Variants in FBXW5 observed in about 807,000 individuals in gnomAD.
FBXW5 encodes F-box and WD repeat domain containing 5.
A neutral mutation model predicts 50.9 loss-of-function variants in FBXW5; 74 were observed. That is an observed-to-expected ratio of 1.45 (90% confidence interval 1.20 to 1.76). The LOEUF (loss-of-function observed/expected upper bound fraction) is 1.76, where lower values mean the gene tolerates loss of function less well. Among genes scored for constraint, FBXW5 ranks in the 40% most tolerant of loss-of-function variants. The probability of loss-of-function intolerance (pLI) is 0.00; values close to 1 mark genes in which losing one functional copy is unlikely to be tolerated. For missense variants in FBXW5, 1,073 were observed against 818.8 expected (o/e 1.31, Z -3.79); for synonymous variants, 523 against 362.2 (o/e 1.44, Z -5.04).
In FBXW5 at chr9:136,940,984, C is replaced by G; in HGVS notation, c.1645G>C (p.Ala549Pro). 3.8e-6 allele frequency: 6 copies of G among 1,559,800 alleles called. No individual in the cohort carries two copies. The highest frequency in any genetic ancestry group is 5.2e-6 in the Non-Finnish European group (6 of 1,151,962). ...AAGGTGCGAGGCCGTGGGCGAGGTG[C>G]CTGGAGGACGCGCATGGTGCGTGGG... ...RSPRTMRVLQAPRPRPRTFFS... is the reference protein window; with the variant it reads ...RSPRTMRVLQPPRPRPRTFFS... Residue 549 changes from alanine to proline, a missense_variant, in exon 9 of 9, where the codon GCA becomes CCA. Ala to Pro is a conservative substitution (Grantham distance 27). Transcript: ENST00000325285.
intron 6 of FBXW5, 98 bp from the exon 7 acceptor site, chr9:136,941,782 A>G (rs895080603): frequency 7.1e-7 from 1 of 1,409,982 alleles, no homozygotes; most frequent in Non-Finnish European, 9.5e-7. Context: ...GGCTGTGAGC[A>G]CCACAGAGGT....
At chr9:136,943,589 G>A in intron 2 of FBXW5, 83 bp from the exon 3 acceptor site, 1 of 1,505,504 alleles carries the variant, frequency 6.6e-7, no homozygotes, top group South Asian at 1.3e-5. Context: ...CAGCAGTCCT[G>A]GCAGGCCCCG....
At chr9:136,943,771 G>A (rs1265853613) in intron 2 of FBXW5, 120 bp downstream of exon 2, 15 of 1,171,706 alleles carry the variant, frequency 1.3e-5, no homozygotes, top group Admixed American at 2.4e-5. Flanking sequence ...ATCAGGGTGT[G>A]GGGGGGTGAG....
Position 136,941,423 on chromosome 9 carries a change from C to G in FBXW5, c.1285G>C (p.Val429Leu). The change falls in exon 8 of 9, where the codon GTG (valine) becomes CTG (leucine). Residue 429 changes from valine (V) to leucine (L), a missense_variant. Physicochemically the swap from Val to Leu is conservative, Grantham distance 32. Transcript: ENST00000325285. Reference sequence around the variant, plus strand: ...GGCGGCTGCATGGGGTCGGCCACCACCGCACCGTTGGGCCAGGCGCGGCTG... The same window carrying G: ...GGCGGCTGCATGGGGTCGGCCACCAGCGCACCGTTGGGCCAGGCGCGGCTG... ...VNSRAWPNGAVVADPMQPPPI... is the reference protein window; with the variant it reads ...VNSRAWPNGALVADPMQPPPI... 6.2e-7 allele frequency: 1 copy of G among 1,609,812 alleles called. No individual in the cohort carries two copies. The highest frequency in any genetic ancestry group is 1.1e-5 in the South Asian group (1 of 91,078).
At chr9:136,944,143 G>A (rs1850936828) in intron 1 of FBXW5, 37 bp from the exon 2 acceptor site, 4 of 1,496,144 alleles carry the variant, frequency 2.7e-6, no homozygotes, top group Non-Finnish European at 3.6e-6. Context: ...GCCCAGGCCC[G>A]GGAAGGGAGG....
Position 136,941,548 on chromosome 9 carries a change from C to T in FBXW5, c.1233G>A (p.Ser411=), listed in dbSNP as rs145980462. ...GGCAAGAGGCCCACCTGTTGTCGGGCGACAGGCCCATGCCGATGATGTGTC... is the reference window on the plus strand; with the variant it reads ...GGCAAGAGGCCCACCTGTTGTCGGGTGACAGGCCCATGCCGATGATGTGTC... ...IHGHIIGMGL[S]PDNRYLYVNS... is the part of the protein sequence containing the mutation. Residue 411 remains serine, a synonymous_variant, in exon 7 of 9, where the codon TCG becomes TCA. Coordinates refer to ENST00000325285, the MANE Select transcript of FBXW5 (RefSeq NM_018998.4). 374 of 1,610,582 alleles carry T rather than the reference C, an allele frequency of 2.3e-4. 2 individuals are homozygous for T. In the African/African-American group the frequency reaches 3.7e-3, roughly 16 times the overall value.
rs758054151 is a variant in FBXW5, at chr9:136,941,054, C to G, written c.1575G>C (p.Leu525=). 17 of 1,556,884 alleles carry G rather than the reference C, an allele frequency of 1.1e-5. No individual in the cohort carries two copies. Among genetic ancestry groups the G allele is most frequent in the Non-Finnish European group, 1.5e-5 (17 of 1,150,240 alleles). The part of the protein sequence containing the change: ...SVVFSPQEQE[L]LLTASDDATI... ...TGGCGTCGTCGCTGGCCGTGAGCAG[C>G]AGCTCCTGCTCCTGGGGACTGAAGA... The change falls in exon 9 of 9, where the codon CTG becomes CTC. Residue 525 remains leucine (L), a synonymous_variant. Transcript: ENST00000325285.
At position 136,942,922 on chromosome 9, in the gene FBXW5, T is replaced by TG. The variant is rs1850851637; in HGVS notation, c.372dup (p.Ile125HisfsTer66). ...ATGTCCGCGCTGTGCAGCAGCGAGA[T>TG]GGTCAGGTCGTTGCTCCAGATCTGT... On this transcript the variant is annotated frameshift_variant, in exon 4 of 9. Coordinates refer to ENST00000325285, the MANE Select transcript of FBXW5 (RefSeq NM_018998.4). LOFTEE classifies it high-confidence loss of function. 5 of 1,613,214 alleles carry TG rather than the reference T, an allele frequency of 3.1e-6. No individual in the cohort carries two copies. The highest frequency in any genetic ancestry group is 4.2e-6 in the Non-Finnish European group (5 of 1,179,898).
At chr9:136,943,280 C>G in intron 3 of FBXW5, 69 bp downstream of exon 3, 1 of 1,525,174 alleles carries the variant, frequency 6.6e-7, no homozygotes, top group Non-Finnish European at 8.9e-7. Flanking sequence ...GGTTGGAACG[C>G]CTGGGTCCTG....
Position 136,941,629 on chromosome 9 carries a change from C to G in FBXW5, c.1152G>C (p.Glu384Asp), listed in dbSNP as rs747220614. The G allele has an allele frequency of 8.9e-6, 14 of 1,580,020 alleles. No homozygotes were observed. Among genetic ancestry groups the G allele is most frequent in the Admixed American group, 1.8e-5 (1 of 55,192 alleles). ...QMTTAGPVLGEGRGSDAFFDA... is the reference protein window; with the variant it reads ...QMTTAGPVLGDGRGSDAFFDA... ...CGAAGAAGGCATCGGAGCCCCGGCC[C>G]TCACCCAGCACGGGCCCTGCCGTGG... The change falls in exon 7 of 9, where the codon GAG (glutamate) becomes GAC (aspartate). Residue 384 changes from glutamate to aspartate, a missense_variant. Coordinates refer to ENST00000325285, the MANE Select transcript of FBXW5 (RefSeq NM_018998.4).
chr9:136,943,416 A>T lies in FBXW5; in HGVS notation c.284T>A (p.Val95Asp). 2 of 1,612,844 alleles carry T rather than the reference A, an allele frequency of 1.2e-6. No homozygotes were observed. The highest frequency in any genetic ancestry group is 1.1e-5 in the South Asian group (1 of 91,086). Residue 95 changes from valine (V) to aspartate (D), a missense_variant, in exon 3 of 9, where the codon GTC (valine) becomes GAC (aspartate). Transcript: ENST00000325285. ...GGAATGGGAGAAGCTGAGGTGCAGG[A>T]CCTGGTCTGTGTGTTCCCGCAGCGT... ...VQTLREHTDQVLHLSFSHSGY... is the reference protein window; with the variant it reads ...VQTLREHTDQDLHLSFSHSGY...
At position 136,940,761 on chromosome 9, in the gene FBXW5, C is replaced by T; in HGVS notation, c.*167G>A. On this transcript the variant is annotated 3_prime_UTR_variant, in exon 9 of 9. Coordinates refer to ENST00000325285, the MANE Select transcript of FBXW5 (RefSeq NM_018998.4). ...GCACTGGCCACCCCGTGCCAAGCAT[C>T]ACAGCTGCGTGAGCAGGTTTGTGTG... 1 of 1,164,706 alleles carries T rather than the reference C, an allele frequency of 8.6e-7. No homozygotes were observed. The highest frequency in any genetic ancestry group is 2.6e-5 in the East Asian group (1 of 38,846). The allele number at this position is 1,164,706 out of a possible 1,614,324, so 72.1% of individuals were successfully genotyped here. A position where few individuals can be genotyped will look rare whatever the true frequency, so the allele number is the denominator to read the frequency against.
At chr9:136,944,565 G>A in intron 1 of FBXW5, 29 bp downstream of exon 1, 3 of 983,774 alleles carry the variant, frequency 3.0e-6, no homozygotes, top group Non-Finnish European at 3.6e-6. Flanking sequence ...CGACAAGGCG[G>A]GACCCCCGAG....
chr9:136,941,932 T>A, intron 6 of FBXW5, 114 bp downstream of exon 6: 1 of 1,446,476 alleles, frequency 6.9e-7, no homozygotes, highest in East Asian at 2.5e-5. Flanking sequence ...CAGGGGCGAG[T>A]GAACGATCCC....
At chr9:136,941,214 T>C (rs1282974875) in intron 8 of FBXW5, 37 bp downstream of exon 8, 38 of 1,599,580 alleles carry the variant, frequency 2.4e-5, no homozygotes, top group Non-Finnish European at 3.1e-5. Context: ...CGCCCGCTGC[T>C]GCCCACACCC....
At position 136,941,606 on chromosome 9, in the gene FBXW5, A is replaced by C. The variant is rs376927787; in HGVS notation, c.1175T>G (p.Phe392Cys). Reference sequence around the variant, plus strand: ...GTCTATGACGTGGTCCAGCGCGTCGAAGAAGGCATCGGAGCCCCGGCCCTC... The same window carrying C: ...GTCTATGACGTGGTCCAGCGCGTCGCAGAAGGCATCGGAGCCCCGGCCCTC... ...LGEGRGSDAFFDALDHVIDIH... is the reference protein window; with the variant it reads ...LGEGRGSDAFCDALDHVIDIH... The change falls in exon 7 of 9, where the codon TTC (phenylalanine) becomes TGC (cysteine). Residue 392 changes from phenylalanine to cysteine, a missense_variant. By Grantham distance (205) the Phe-to-Cys change is radical. Transcript: ENST00000325285. 3.4e-5 allele frequency: 55 copies of C among 1,599,314 alleles called. No homozygotes were observed. The highest frequency in any genetic ancestry group is 4.4e-5 in the Non-Finnish European group (52 of 1,173,630).
chr9:136,940,712 C>T lies in FBXW5; in HGVS notation c.*216G>A, dbSNP rs954807418. 3 of 716,394 alleles carry T rather than the reference C, an allele frequency of 4.2e-6. No homozygotes were observed. In the African/African-American group the frequency reaches 5.4e-5, roughly 13 times the overall value. 44.4% of individuals were successfully genotyped at this position (716,394 alleles called of 1,614,324 possible). ...TGTGTACCCCAAGTTGCCCAGGAGG[C>T]CGAGGGGGCCTTGGGCTCCATCTGC... On this transcript the variant is annotated 3_prime_UTR_variant, in exon 9 of 9. Coordinates refer to ENST00000325285, the MANE Select transcript of FBXW5 (RefSeq NM_018998.4).
At chr9:136,944,206 A>C (rs13287362) in intron 1 of FBXW5, 100 bp from the exon 2 acceptor site, 1 of 1,305,842 alleles carries the variant, frequency 7.7e-7, no homozygotes, top group Non-Finnish European at 1.0e-6. Context: ...CGGGAGTTCC[A>C]CGGGGCTGCG....
Position 136,942,730 on chromosome 9 carries a change from G to A in FBXW5, c.527-35C>T, listed in dbSNP as rs749150527. On this transcript the variant is annotated intron_variant, in intron 4 of 8. Transcript: ENST00000325285. The stretch of plus-strand genomic sequence containing the variant: ...GGCCGGGGCTGGACAGGCTGTCGGC[G>A]TGGGGCGGGGGCAGGGTCAACCCGC... The A allele has an allele frequency of 2.5e-5, 41 of 1,610,504 alleles. No homozygotes were observed. The South Asian group carries it at 2.9e-4, about 11-fold the overall frequency.
Sources: allele counts gnomAD v4.1 joint callset, GRCh38; gene constraint gnomAD v4.1.1; transcripts MANE v1.5; gene names NCBI Gene and HGNC (gene_info 2026-07-23, HGNC 2026-07-21).